The following EMCN variants were observed in gnomAD, a reference collection of about 807,000 sequenced individuals.
EMCN encodes the protein endomucin, also known as MUC-14.
Under a neutral mutation model 38.4 loss-of-function variants are expected in EMCN, and 37 were observed. The ratio of observed to expected loss-of-function variants is 0.96; its 90% confidence interval spans 0.74 to 1.27. EMCN has a LOEUF of 1.27. Ranked by LOEUF, EMCN falls within the 50% of genes most tolerant of loss-of-function variation. The probability of loss-of-function intolerance (pLI) is 0.00; values close to 1 mark genes in which losing one functional copy is unlikely to be tolerated. For synonymous variants in EMCN, 95 were observed against 100.8 expected, an observed-to-expected ratio of 0.94 and a Z score of 0.35; for missense variants, 318 against 302.8, an observed-to-expected ratio of 1.05 and a Z score of -0.37.
intron 4 of EMCN, among the ~76,000 whole-genome samples, chr4:100,459,312 T>TAC (rs1158928199): frequency 6.6e-6 from 1 of 151,312 alleles, no homozygotes; most frequent in African/African-American, 2.4e-5. Flanking sequence ...ACCATATATA[T>TAC]ATACATATGG....
chr4:100,467,335 C>T (rs576849162), intron 3 of EMCN, among the ~76,000 whole-genome samples: 5 of 152,112 alleles, frequency 3.3e-5, no homozygotes, highest in Admixed American at 2.0e-4. Context: ...TGCTTCAAAT[C>T]CTAGTCTCAG....
chr4:100,482,296 GGTGT>G (rs150646081), intron 1 of EMCN, among the ~76,000 whole-genome samples: 15 of 151,320 alleles, frequency 9.9e-5, no homozygotes, highest in Non-Finnish European at 1.9e-4. Context: ...CTTTGGTATA[GGTGT>G]GTGTGTGTGT....
intron 4 of EMCN, among the ~76,000 whole-genome samples, chr4:100,448,015 A>G (rs564643038): frequency 1.3e-5 from 2 of 151,988 alleles, no homozygotes; most frequent in Non-Finnish European, 2.9e-5. Context: ...CTGAGATAAC[A>G]TAGAAAACAA....
At chr4:100,471,302 C>T (rs571493947) in intron 3 of EMCN, among the ~76,000 whole-genome samples, 1 of 151,916 alleles carries the variant, frequency 6.6e-6, no homozygotes, top group Non-Finnish European at 1.5e-5. Context: ...GATTATAAGG[C>T]AATGCTGTGA....
At chr4:100,510,013 A>C (rs892972461) in intron 1 of EMCN, among the ~76,000 whole-genome samples, 6 of 152,208 alleles carry the variant, frequency 3.9e-5, no homozygotes, top group African/African-American at 9.6e-5. Context: ...CATTTTTTAC[A>C]TGCAGAAACT....
intron 3 of EMCN, among the ~76,000 whole-genome samples, chr4:100,472,378 G>A: frequency 6.6e-6 from 1 of 151,684 alleles, no homozygotes; most frequent in African/African-American, 2.4e-5. Context: ...TATTAAAAGT[G>A]AATAAAATAT....
intron 1 of EMCN, among the ~76,000 whole-genome samples, chr4:100,516,341 G>A (rs1274633185): frequency 6.6e-6 from 1 of 152,104 alleles, no homozygotes; most frequent in Non-Finnish European, 1.5e-5. Context: ...TCTATTCAGA[G>A]TTTAACAATG....
chr4:100,481,331 G>C (rs1728799247), intron 1 of EMCN, among the ~76,000 whole-genome samples: 1 of 152,102 alleles, frequency 6.6e-6, no homozygotes, highest in African/African-American at 2.4e-5. Context: ...CAAATGTCAT[G>C]ACATAGAGAA....
At chr4:100,471,131 A>G (rs889772336) in intron 3 of EMCN, among the ~76,000 whole-genome samples, 1 of 151,858 alleles carries the variant, frequency 6.6e-6, no homozygotes, top group Non-Finnish European at 1.5e-5. Flanking sequence ...GAGAATAGAA[A>G]CACAACACAG....
chr4:100,505,215 C>T (rs555853471), intron 1 of EMCN, among the ~76,000 whole-genome samples: 8 of 152,184 alleles, frequency 5.3e-5, no homozygotes, highest in East Asian at 1.9e-4. Flanking sequence ...TACTGGTCTC[C>T]GCGTCTTGGT....
chr4:100,469,238 A>G (rs1281513074), intron 3 of EMCN, among the ~76,000 whole-genome samples: 1 of 152,108 alleles, frequency 6.6e-6, no homozygotes, highest in Non-Finnish European at 1.5e-5. Context: ...TCAACTCTAA[A>G]TGGATAAAAG....
At chr4:100,442,429 T>A (rs1205505282) in intron 5 of EMCN, among the ~76,000 whole-genome samples, 1 of 152,234 alleles carries the variant, frequency 6.6e-6, no homozygotes, top group African/African-American at 2.4e-5. Flanking sequence ...AATGTCTATA[T>A]CTCTTTTAAG....
intron 3 of EMCN, among the ~76,000 whole-genome samples, chr4:100,474,522 C>T (rs1286280332): frequency 1.3e-5 from 2 of 152,090 alleles, no homozygotes; most frequent in Admixed American, 6.6e-5. Context: ...AAATGAAAAA[C>T]GTAGGCAGAC....
At chr4:100,506,343 G>C (rs1355863616) in intron 1 of EMCN, among the ~76,000 whole-genome samples, 1 of 152,140 alleles carries the variant, frequency 6.6e-6, no homozygotes, top group Non-Finnish European at 1.5e-5. Flanking sequence ...CATGGTGACA[G>C]CTTTGCAAAT....
At chr4:100,402,706 T>C (rs1256949230) in intron 11 of EMCN, among the ~76,000 whole-genome samples, 2 of 152,174 alleles carry the variant, frequency 1.3e-5, no homozygotes, top group African/African-American at 4.8e-5. Context: ...GCTAGGAATA[T>C]TTTTTAAAGT....
intron 1 of EMCN, among the ~76,000 whole-genome samples, chr4:100,494,580 GA>G (rs891157869): frequency 4.0e-5 from 6 of 151,624 alleles, no homozygotes; most frequent in African/African-American, 1.5e-4. Context: ...ACTTTAACTA[GA>G]AAAACAAACC....
chr4:100,513,348 G>A (rs1048203714), intron 1 of EMCN, among the ~76,000 whole-genome samples: 18 of 152,124 alleles, frequency 1.2e-4, no homozygotes, highest in Non-Finnish European at 2.4e-4. Flanking sequence ...GAAGTACTTA[G>A]CAAAATTATC....
At chr4:100,495,268 G>T (rs1243240265) in intron 1 of EMCN, among the ~76,000 whole-genome samples, 1 of 151,792 alleles carries the variant, frequency 6.6e-6, no homozygotes, top group Non-Finnish European at 1.5e-5. Flanking sequence ...AATCAAATTT[G>T]CTGAGTCACA....
intron 5 of EMCN, among the ~76,000 whole-genome samples, chr4:100,439,343 G>A (rs767512176): frequency 6.6e-6 from 1 of 151,640 alleles, no homozygotes; most frequent in Non-Finnish European, 1.5e-5. Context: ...ATTGATCCTG[G>A]TAGGTTTTAG....
Sources: gnomAD v4.1 joint callset for allele counts (sites outside exome capture counted in the v4.1 genomes callset) on GRCh38, gnomAD v4.1.1 for gene constraint, MANE v1.5 for transcripts, NCBI Gene and HGNC (gene_info 2026-07-23, HGNC 2026-07-21) for gene names.